RAB38: variants seen among roughly 807,000 people sequenced by gnomAD.
RAB38 encodes the protein RAB38, member RAS oncogene family.
Under a neutral mutation model 18.4 loss-of-function variants are expected in RAB38, and 15 were observed. That is an observed-to-expected ratio of 0.82 (90% CI 0.55 to 1.26). The LOEUF is 1.26. Among genes scored for constraint, RAB38 ranks in the 50% most tolerant of loss-of-function variants. The probability of loss-of-function intolerance (pLI) is 0.00; values close to 1 mark genes in which losing one functional copy is unlikely to be tolerated. For synonymous variants in RAB38, 101 were observed against 104.4 expected (o/e 0.97, Z 0.20); for missense variants, 294 against 267.4 (o/e 1.10, Z -0.69).
the RAB38 span, among the ~76,000 whole-genome samples, chr11:87,825,152 A>G: frequency 6.6e-6 from 1 of 152,162 alleles, no homozygotes. Flanking sequence ...ACATCTAGTC[A>G]TTCAGTTAAA....
intron 1 of RAB38, 28 bp downstream of exon 1, chr11:88,175,155 C>A (rs951910873): frequency 2.6e-6 from 4 of 1,551,684 alleles, no homozygotes; most frequent in South Asian, 1.2e-5. Context: ...GGCGCTCTAT[C>A]CCCCTGACCC....
chr11:87,932,237 C>A, the RAB38 span, among the ~76,000 whole-genome samples: 1 of 151,912 alleles, frequency 6.6e-6, no homozygotes, highest in Non-Finnish European at 1.5e-5. Context: ...CACATGTATA[C>A]CTATGTAACA....
chr11:88,065,544 C>A, the RAB38 span, among the ~76,000 whole-genome samples: 2 of 152,128 alleles, frequency 1.3e-5, no homozygotes, highest in Non-Finnish European at 2.9e-5. Flanking sequence ...TATCTTCTTT[C>A]GGGAAGAGTT....
At chr11:88,055,394 T>C in the RAB38 span, among the ~76,000 whole-genome samples, 1 of 152,238 alleles carries the variant, frequency 6.6e-6, no homozygotes, top group East Asian at 1.9e-4. Flanking sequence ...AAGCAACAGA[T>C]ACACAGTAAC....
At chr11:88,091,283 C>G in the RAB38 span, among the ~76,000 whole-genome samples, 1 of 151,972 alleles carries the variant, frequency 6.6e-6, no homozygotes, top group Admixed American at 6.6e-5. Flanking sequence ...TTCCCTCAGC[C>G]CAGGTGGGCT....
the RAB38 span, among the ~76,000 whole-genome samples, chr11:87,866,759 A>G: frequency 0.043 from 6,561 of 151,826 alleles, 465 homozygotes; most frequent in African/African-American, 0.15. Flanking sequence ...AAATATGAAG[A>G]GCTGATTTGT....
At chr11:87,932,985 T>C in the RAB38 span, among the ~76,000 whole-genome samples, 1 of 152,088 alleles carries the variant, frequency 6.6e-6, no homozygotes, top group African/African-American at 2.4e-5. Context: ...CTAAGTTATA[T>C]TTTCTGAAGA....
the RAB38 span, among the ~76,000 whole-genome samples, chr11:88,013,872 G>C: frequency 6.6e-6 from 1 of 152,108 alleles, no homozygotes; most frequent in South Asian, 2.1e-4. Flanking sequence ...CAATAGCACA[G>C]TAAAGAGCAC....
chr11:88,152,604 C>A (rs1943076800), intron 1 of RAB38, among the ~76,000 whole-genome samples: 1 of 152,168 alleles, frequency 6.6e-6, no homozygotes, highest in South Asian at 2.1e-4. Flanking sequence ...TAGATCAGAG[C>A]ATTTCTAGCA....
chr11:88,157,081 T>C (rs1375279559), intron 1 of RAB38, among the ~76,000 whole-genome samples: 1 of 152,170 alleles, frequency 6.6e-6, no homozygotes, highest in Non-Finnish European at 1.5e-5. Context: ...CCCATCCGTA[T>C]GCTATCTTCA....
the RAB38 span, among the ~76,000 whole-genome samples, chr11:87,854,141 T>G: frequency 7.2e-4 from 110 of 152,194 alleles, no homozygotes; most frequent in African/African-American, 2.1e-3. Context: ...TTTTGTTTTG[T>G]TTTGGTTTTT....
chr11:87,912,552 C>T, the RAB38 span, among the ~76,000 whole-genome samples: 2 of 151,656 alleles, frequency 1.3e-5, no homozygotes, highest in South Asian at 4.1e-4. Context: ...TTATTTTATT[C>T]TTGATATTGG....
chr11:88,064,219 T>C, the RAB38 span, among the ~76,000 whole-genome samples: 7 of 152,156 alleles, frequency 4.6e-5, no homozygotes, highest in Admixed American at 1.3e-4. Context: ...GAGAGTATAA[T>C]AAAAATGTGA....
the RAB38 span, among the ~76,000 whole-genome samples, chr11:87,859,640 A>G: frequency 1.3e-5 from 2 of 152,064 alleles, no homozygotes; most frequent in Non-Finnish European, 2.9e-5. Flanking sequence ...AGAAAAGCTA[A>G]CAAAGTGGCT....
the RAB38 span, among the ~76,000 whole-genome samples, chr11:88,105,142 G>A: frequency 0.021 from 3,155 of 152,048 alleles, 108 homozygotes; most frequent in African/African-American, 0.069. Flanking sequence ...AACATCACAT[G>A]TATATAAATT....
the RAB38 span, among the ~76,000 whole-genome samples, chr11:87,954,127 G>A: frequency 4.6e-5 from 7 of 152,162 alleles, no homozygotes; most frequent in African/African-American, 1.7e-4. Context: ...AACATCCAAT[G>A]ATTTTGAGTT....
At chr11:88,007,255 C>T in the RAB38 span, among the ~76,000 whole-genome samples, 1 of 151,764 alleles carries the variant, frequency 6.6e-6, no homozygotes, top group African/African-American at 2.4e-5. Context: ...TTTCTTAGTA[C>T]ACAAAAAGCA....
At chr11:87,947,104 C>G in the RAB38 span, among the ~76,000 whole-genome samples, 2 of 152,146 alleles carry the variant, frequency 1.3e-5, no homozygotes, top group Non-Finnish European at 2.9e-5. Flanking sequence ...GAGATGGTAT[C>G]TCATTGTGGT....
At chr11:88,169,632 T>C (rs1051325098) in intron 1 of RAB38, among the ~76,000 whole-genome samples, 10 of 152,208 alleles carry the variant, frequency 6.6e-5, no homozygotes, top group African/African-American at 2.4e-4. Flanking sequence ...GGCCAGATGA[T>C]GAAATTCTGT....
Sources: allele counts gnomAD v4.1 joint callset (sites outside exome capture counted in the v4.1 genomes callset), GRCh38; gene constraint gnomAD v4.1.1; transcripts MANE v1.5; gene names NCBI Gene and HGNC (gene_info 2026-07-23, HGNC 2026-07-21).